Variants in NELL1 observed in about 807,000 individuals in gnomAD.
NELL1 encodes the protein protein kinase C-binding protein NELL1.
In NELL1, 76 loss-of-function variants were observed where a neutral mutation model predicts 107.4. That is an observed-to-expected ratio of 0.71 (90% confidence interval 0.59 to 0.86). NELL1 has a LOEUF of 0.86. Ranked by LOEUF, NELL1 falls within the 40% of genes least tolerant of loss-of-function variation. The probability of loss-of-function intolerance (pLI) is 0.00; values close to 1 mark genes in which losing one functional copy is unlikely to be tolerated. For synonymous variants in NELL1, 353 were observed against 341.2 expected, an observed-to-expected ratio of 1.03 and a Z score of -0.38; for missense variants, 1,024 against 1,005.5, an observed-to-expected ratio of 1.02 and a Z score of -0.25.
chr11:20,695,098 C>T (rs1013020244), intron 2 of NELL1, among the ~76,000 whole-genome samples: 2 of 151,936 alleles, frequency 1.3e-5, no homozygotes, highest in African/African-American at 2.4e-5. Context: ...TCAGCTTGAA[C>T]GTTACTGTTA....
At chr11:21,171,550 G>A (rs770274116) in intron 13 of NELL1, among the ~76,000 whole-genome samples, 4 of 151,552 alleles carry the variant, frequency 2.6e-5, no homozygotes, top group African/African-American at 4.9e-5. Flanking sequence ...CTCTATTTTC[G>A]GATATTTATA....
intron 2 of NELL1, among the ~76,000 whole-genome samples, chr11:20,730,199 C>G (rs573488280): frequency 6.6e-6 from 1 of 152,172 alleles, no homozygotes; most frequent in East Asian, 1.9e-4. Context: ...GGAAAATAAG[C>G]AAATATGTAA....
chr11:21,201,940 T>A (rs1308092006), intron 13 of NELL1, among the ~76,000 whole-genome samples: 1 of 152,192 alleles, frequency 6.6e-6, no homozygotes, highest in Non-Finnish European at 1.5e-5. Context: ...TATTGATTTG[T>A]GTATGTTGAA....
chr11:21,235,564 A>G (rs1166850796), intron 14 of NELL1, among the ~76,000 whole-genome samples: 2 of 152,184 alleles, frequency 1.3e-5, no homozygotes, highest in Non-Finnish European at 2.9e-5. Context: ...CTTAAGGGTC[A>G]TATTGAAATA....
At chr11:21,117,717 A>G (rs1417733382) in intron 13 of NELL1, among the ~76,000 whole-genome samples, 2 of 152,108 alleles carry the variant, frequency 1.3e-5, no homozygotes, top group African/African-American at 4.8e-5. Flanking sequence ...CGTTCTGCAT[A>G]CCATATTCAC....
chr11:20,906,525 A>G (rs1460239070), intron 5 of NELL1, among the ~76,000 whole-genome samples: 1 of 152,110 alleles, frequency 6.6e-6, no homozygotes, highest in Non-Finnish European at 1.5e-5. Context: ...ATACCAAAGC[A>G]GATAAGGACA....
intron 15 of NELL1, among the ~76,000 whole-genome samples, chr11:21,491,148 G>A (rs1464574741): frequency 6.6e-6 from 1 of 152,072 alleles, no homozygotes; most frequent in Non-Finnish European, 1.5e-5. Flanking sequence ...TTTGTAGGTT[G>A]CCTGTTCACT....
intron 15 of NELL1, among the ~76,000 whole-genome samples, chr11:21,434,029 T>C (rs1443380840): frequency 6.6e-6 from 1 of 152,228 alleles, no homozygotes; most frequent in African/African-American, 2.4e-5. Context: ...TTGCCCATTT[T>C]TTAATGGGAT....
intron 15 of NELL1, among the ~76,000 whole-genome samples, chr11:21,414,161 G>C (rs1564882953): frequency 6.6e-6 from 1 of 151,970 alleles, no homozygotes; most frequent in South Asian, 2.1e-4. Context: ...ATGTAGTAGA[G>C]GTTCTCTGCT....
chr11:21,449,354 AT>A (rs1387661900), intron 15 of NELL1, among the ~76,000 whole-genome samples: 3 of 152,180 alleles, frequency 2.0e-5, no homozygotes, highest in Non-Finnish European at 4.4e-5. Context: ...TTTGCCATCC[AT>A]ATGTCTAATA....
At chr11:21,467,952 C>T (rs1854073804) in intron 15 of NELL1, among the ~76,000 whole-genome samples, 1 of 152,006 alleles carries the variant, frequency 6.6e-6, no homozygotes, top group South Asian at 2.1e-4. Context: ...GTAAATATGG[C>T]TTTGGGACTG....
rs1460160965 is a variant in NELL1, at chr11:21,337,826, T to TGC, written c.1550-33027_1550-33026insGC. On this transcript the variant is annotated intron_variant, in intron 14 of 19. Transcript: ENST00000357134. ...TTTCTTTCTTGCTTTCCTTCTTTCT[T>TGC]TCTTTCTTTCTTTTCTTTCTTTCTT... Among the ~76,000 whole-genome samples the TGC allele has an allele frequency of 4.3e-3, 120 of 28,004 alleles. 6 individuals are homozygous for TGC. The South Asian group carries it at 0.15, about 36-fold the overall frequency. The allele number at this position is 28,004 out of a possible 152,430, so 18.4% of individuals were successfully genotyped here.
chr11:21,152,749 ATT>A (rs567636487), intron 13 of NELL1, among the ~76,000 whole-genome samples: 2 of 151,992 alleles, frequency 1.3e-5, no homozygotes, highest in Non-Finnish European at 2.9e-5. Context: ...AAAATTATGG[ATT>A]TTTTTTCTTT....
chr11:21,056,609 CAT>C (rs1202444637), intron 12 of NELL1, among the ~76,000 whole-genome samples: 10 of 152,144 alleles, frequency 6.6e-5, no homozygotes, highest in Non-Finnish European at 1.2e-4. Flanking sequence ...ATTTGAGACA[CAT>C]GTTTTCTCGC....
chr11:21,392,809 T>G (rs1851907440), intron 15 of NELL1, among the ~76,000 whole-genome samples: 1 of 151,728 alleles, frequency 6.6e-6, no homozygotes, highest in African/African-American at 2.4e-5. Flanking sequence ...TACAAAAATT[T>G]ATCAACAGAG....
intron 3 of NELL1, among the ~76,000 whole-genome samples, chr11:20,789,933 A>T (rs1286276881): frequency 6.6e-6 from 1 of 152,094 alleles, no homozygotes; most frequent in African/African-American, 2.4e-5. Context: ...TTCAGCAGAG[A>T]GGAGGCCCTG....
intron 5 of NELL1, among the ~76,000 whole-genome samples, chr11:20,915,197 A>G (rs1850219233): frequency 6.6e-6 from 1 of 152,020 alleles, no homozygotes; most frequent in Non-Finnish European, 1.5e-5. Flanking sequence ...CTCTATTTAT[A>G]TATGAGTTGG....
chr11:21,004,342 A>G (rs1279499486), intron 12 of NELL1, among the ~76,000 whole-genome samples: 1 of 152,156 alleles, frequency 6.6e-6, no homozygotes, highest in Non-Finnish European at 1.5e-5. Flanking sequence ...ATTATACATT[A>G]TAATAAACAT....
intron 17 of NELL1, among the ~76,000 whole-genome samples, chr11:21,560,643 T>C (rs367913432): frequency 1.4e-4 from 21 of 152,160 alleles, no homozygotes; most frequent in East Asian, 1.4e-3. Context: ...AAGCCAATGA[T>C]AGTCCTCCCA....
Sources: gnomAD v4.1 joint callset for allele counts (sites outside exome capture counted in the v4.1 genomes callset) on GRCh38, gnomAD v4.1.1 for gene constraint, MANE v1.5 for transcripts, NCBI Gene and HGNC (gene_info 2026-07-23, HGNC 2026-07-21) for gene names.